Variants in ALCAM observed in about 807,000 individuals in gnomAD.
The protein encoded by ALCAM is activated leukocyte cell adhesion molecule, also known as CD166 antigen.
A neutral mutation model predicts 70.9 loss-of-function variants in ALCAM; 30 were observed. The observed-to-expected ratio is 0.42, with a 90% CI of 0.32 to 0.57. The LOEUF is 0.57. Ranked by LOEUF, ALCAM falls within the 20% of genes least tolerant of loss-of-function variation. The pLI is 0.11. For synonymous variants in ALCAM, 249 were observed against 242.5 expected (o/e 1.03, Z -0.25); for missense variants, 591 against 695.1 (o/e 0.85, Z 1.68).
chr3:105,545,089 A>G, intron 8 of ALCAM, 134 bp from the exon 9 acceptor site: 3 of 666,924 alleles, frequency 4.5e-6, no homozygotes, highest in Admixed American at 2.1e-5. Flanking sequence ...CAATTATTTT[A>G]GTCATATAAA....
At chr3:105,455,672 T>G (rs1220876596) in intron 1 of ALCAM, among the ~76,000 whole-genome samples, 1 of 152,188 alleles carries the variant, frequency 6.6e-6, no homozygotes, top group African/African-American at 2.4e-5. Context: ...CTCACTAGTG[T>G]GCCATGTCAG....
intron 3 of ALCAM, among the ~76,000 whole-genome samples, chr3:105,529,792 G>C (rs1454565942): frequency 2.6e-5 from 4 of 152,066 alleles, no homozygotes; most frequent in Admixed American, 6.6e-5. Context: ...GAAATACAAA[G>C]TGTTTATGAT....
chr3:105,462,452 T>A (rs1576179419), intron 1 of ALCAM, among the ~76,000 whole-genome samples: 4 of 151,560 alleles, frequency 2.6e-5, no homozygotes, highest in South Asian at 2.1e-4. Context: ...AATAATTTTT[T>A]AAAAATTGGA....
chr3:105,537,115 G>A (rs944279094), intron 6 of ALCAM, among the ~76,000 whole-genome samples: 2 of 151,990 alleles, frequency 1.3e-5, no homozygotes, highest in African/African-American at 4.8e-5. Flanking sequence ...AATTCATCTT[G>A]AGAAAGCTTG....
rs1358416925 is a variant in ALCAM at position 105,561,195 on chromosome 3, T to C, written c.1664+8610T>C. On this transcript the variant is annotated intron_variant, in intron 14 of 15. Coordinates refer to ENST00000306107, the MANE Select transcript of ALCAM (RefSeq NM_001627.4). ...TTGTAATGTTTCCAATTGTTCCTAGTAGTATGTGAAAGTGTGATTAATTTT... is the reference window on the plus strand; with the variant it reads ...TTGTAATGTTTCCAATTGTTCCTAGCAGTATGTGAAAGTGTGATTAATTTT... Among the ~76,000 whole-genome samples the C allele has an allele frequency of 2.0e-5, 3 of 152,184 alleles. No homozygotes were observed. The East Asian group carries it at 5.8e-4, about 29-fold the overall frequency.
chr3:105,520,002 G>T, intron 1 of ALCAM, 65 bp from the exon 2 acceptor site: 1 of 1,048,522 alleles, frequency 9.5e-7, no homozygotes, highest in Non-Finnish European at 1.4e-6. Context: ...GTCATTTCAA[G>T]AAAGCATTTA....
At position 105,524,387 on chromosome 3, in the gene ALCAM, C is replaced by T; in HGVS notation, c.273C>T (p.Asn91=). ...TACCAGAATACAAAGACAGATTGAACCTCTCAGAAAACTACACTTTGTCTA... is the reference window on the plus strand; with the variant it reads ...TACCAGAATACAAAGACAGATTGAATCTCTCAGAAAACTACACTTTGTCTA... ...DDVPEYKDRL[N]LSENYTLSIS... is the part of the protein sequence containing the mutation. Residue 91 remains asparagine, a synonymous_variant, in exon 3 of 16, where the codon AAC becomes AAT. Coordinates refer to ENST00000306107, the MANE Select transcript of ALCAM (RefSeq NM_001627.4). 6.2e-7 allele frequency: 1 copy of T among 1,614,030 alleles called. No individual in the cohort carries two copies. Among genetic ancestry groups the T allele is most frequent in the Non-Finnish European group, 8.5e-7 (1 of 1,179,978 alleles).
intron 14 of ALCAM, among the ~76,000 whole-genome samples, chr3:105,563,733 T>A (rs374343422): frequency 3.5e-4 from 42 of 120,392 alleles, no homozygotes; most frequent in South Asian, 8.7e-4. Context: ...CAGGCCGGAC[T>A]GCGGACTGCA....
chr3:105,448,802 C>G (rs541269445), intron 1 of ALCAM, among the ~76,000 whole-genome samples: 3 of 152,170 alleles, frequency 2.0e-5, no homozygotes, highest in Non-Finnish European at 4.4e-5. Flanking sequence ...GGGTGACAGA[C>G]ATCTTTTGAT....
At chr3:105,493,828 C>G (rs1029470382) in intron 1 of ALCAM, among the ~76,000 whole-genome samples, 1 of 152,120 alleles carries the variant, frequency 6.6e-6, no homozygotes, top group African/African-American at 2.4e-5. Context: ...ATGAAAATTT[C>G]TGATGTACCA....
At chr3:105,530,568 T>C (rs569593200) in intron 3 of ALCAM, among the ~76,000 whole-genome samples, 1 of 152,070 alleles carries the variant, frequency 6.6e-6, no homozygotes, top group Non-Finnish European at 1.5e-5. Context: ...TTTTCTATTG[T>C]TCTATCTTGC....
intron 8 of ALCAM, among the ~76,000 whole-genome samples, chr3:105,542,956 A>G (rs1940159582): frequency 6.6e-6 from 1 of 151,804 alleles, no homozygotes; most frequent in Admixed American, 6.6e-5. Flanking sequence ...CAGTATAACA[A>G]TATTATCCAG....
At chr3:105,380,178 T>C (rs150682237) in intron 1 of ALCAM, among the ~76,000 whole-genome samples, 2 of 151,976 alleles carry the variant, frequency 1.3e-5, no homozygotes, top group African/African-American at 4.8e-5. Flanking sequence ...TATTTTCTCA[T>C]ATATTCCCTT....
At chr3:105,513,311 G>A (rs1266046745) in intron 1 of ALCAM, 1 of 151,726 alleles carries the variant, frequency 6.6e-6, no homozygotes, top group East Asian at 1.9e-4. Flanking sequence ...AGAATGTGAG[G>A]ATCATTGCCA....
chr3:105,451,341 G>A (rs1937423347), intron 1 of ALCAM, among the ~76,000 whole-genome samples: 1 of 151,586 alleles, frequency 6.6e-6, no homozygotes, highest in African/African-American at 2.4e-5. Context: ...GAGGGATAAA[G>A]ATGAAGAGAT....
chr3:105,431,257 A>C (rs977231294), intron 1 of ALCAM, among the ~76,000 whole-genome samples: 4 of 152,146 alleles, frequency 2.6e-5, no homozygotes, highest in Admixed American at 2.6e-4. Flanking sequence ...TATTTAGCTC[A>C]TGAATCTATC....
At chr3:105,417,830 C>A (rs1197393072) in intron 1 of ALCAM, among the ~76,000 whole-genome samples, 1 of 151,530 alleles carries the variant, frequency 6.6e-6, no homozygotes, top group Non-Finnish European at 1.5e-5. Context: ...TTAGGACATA[C>A]AGAAGATAAT....
chr3:105,515,865 A>G (rs1939367520), intron 1 of ALCAM, among the ~76,000 whole-genome samples: 1 of 152,082 alleles, frequency 6.6e-6, no homozygotes, highest in Admixed American at 6.6e-5. Flanking sequence ...AGTAATTTCT[A>G]AGGATAAACT....
At position 105,494,570 on chromosome 3, in the gene ALCAM, A is replaced by C. The variant is rs149133505; in HGVS notation, c.74-25497A>C. Reference sequence around the variant, plus strand: ...AGACATCCTGCTGATTTTGTCAGACAACAATTCTTTCTTGCTTTCTTTCCT... The same window carrying C: ...AGACATCCTGCTGATTTTGTCAGACCACAATTCTTTCTTGCTTTCTTTCCT... On this transcript the variant is annotated intron_variant, in intron 1 of 15. Coordinates refer to ENST00000306107, the MANE Select transcript of ALCAM (RefSeq NM_001627.4). Among the ~76,000 whole-genome samples, 3 of 152,038 alleles carry C rather than the reference A, an allele frequency of 2.0e-5. No homozygotes were observed. In the East Asian group the frequency reaches 5.8e-4, roughly 29 times the overall value.
Sources: gnomAD v4.1 joint callset for allele counts (sites outside exome capture counted in the v4.1 genomes callset) on GRCh38, gnomAD v4.1.1 for gene constraint, MANE v1.5 for transcripts, NCBI Gene and HGNC (gene_info 2026-07-23, HGNC 2026-07-21) for gene names.